The following ZFAND3 variants were observed in gnomAD, a reference collection of about 807,000 sequenced individuals.
The protein encoded by ZFAND3 is zinc finger AN1-type containing 3, also known as AN1-type zinc finger protein 3.
Under a neutral mutation model 29.6 loss-of-function variants are expected in ZFAND3, and 10 were observed. The ratio of observed to expected loss-of-function variants is 0.34; its 90% CI spans 0.21 to 0.57. The LOEUF is 0.57. Among genes scored for constraint, ZFAND3 ranks in the 20% least tolerant of loss-of-function variants. The pLI is 0.86. For missense variants in ZFAND3, 230 were observed against 304.5 expected, an observed-to-expected ratio of 0.76 and a Z score of 1.82; for synonymous variants, 128 against 112.6, an observed-to-expected ratio of 1.14 and a Z score of -0.87.
At chr6:37,826,949 G>A (rs980460634) in intron 1 of ZFAND3, among the ~76,000 whole-genome samples, 2 of 152,170 alleles carry the variant, frequency 1.3e-5, no homozygotes, top group African/African-American at 4.8e-5. Context: ...GAGGAACACA[G>A]ATATACAACA....
At chr6:38,049,387 GTAT>G (rs1316623161) in intron 2 of ZFAND3, among the ~76,000 whole-genome samples, 5 of 152,220 alleles carry the variant, frequency 3.3e-5, no homozygotes, top group Admixed American at 6.5e-5. Flanking sequence ...TAGGTAGATA[GTAT>G]TATTATTCTC....
intron 2 of ZFAND3, among the ~76,000 whole-genome samples, chr6:38,060,321 T>C (rs1419864114): frequency 6.6e-6 from 1 of 152,160 alleles, no homozygotes; most frequent in Non-Finnish European, 1.5e-5. Context: ...AAAGTGTACA[T>C]ATTCTGACAG....
At chr6:38,002,736 G>GT (rs1762972511) in intron 2 of ZFAND3, 1 of 152,080 alleles carries the variant, frequency 6.6e-6, no homozygotes, top group South Asian at 2.1e-4. Context: ...TGCTACTCTA[G>GT]ATCATCCTAA....
chr6:37,949,678 G>A (rs563639077), intron 2 of ZFAND3, among the ~76,000 whole-genome samples: 2 of 152,268 alleles, frequency 1.3e-5, no homozygotes, highest in Admixed American at 1.3e-4. Context: ...AGAGAAACAC[G>A]TTTACTAAGA....
At chr6:37,972,900 TAACTG>T (rs549705912) in intron 2 of ZFAND3, among the ~76,000 whole-genome samples, 175 of 152,302 alleles carry the variant, frequency 1.1e-3, no homozygotes, top group Non-Finnish European at 2.0e-3. Context: ...AGATTCCACT[TAACTG>T]AAAGTAGACC....
At chr6:37,972,496 G>A (rs1300412352) in intron 2 of ZFAND3, among the ~76,000 whole-genome samples, 1 of 152,168 alleles carries the variant, frequency 6.6e-6, no homozygotes, top group Non-Finnish European at 1.5e-5. Flanking sequence ...GTAGGTATAT[G>A]GAATTGTGAG....
intron 2 of ZFAND3, among the ~76,000 whole-genome samples, chr6:37,985,114 A>C (rs1762643989): frequency 6.6e-6 from 1 of 152,164 alleles, no homozygotes; most frequent in Admixed American, 6.5e-5. Context: ...ATTGAGCATC[A>C]GGTATGTAAG....
chr6:37,866,238 A>G (rs757269249), intron 1 of ZFAND3, among the ~76,000 whole-genome samples: 1 of 152,154 alleles, frequency 6.6e-6, no homozygotes, highest in South Asian at 2.1e-4. Context: ...TAAAAAAAGT[A>G]TGTTAGAATG....
chr6:38,062,724 C>T (rs1484108282), intron 3 of ZFAND3: 1 of 152,222 alleles, frequency 6.6e-6, no homozygotes, highest in East Asian at 1.9e-4. Flanking sequence ...TTCCCTCCAT[C>T]CCCCATCCCT....
chr6:38,096,175 T>TC (rs1205366060), intron 4 of ZFAND3, among the ~76,000 whole-genome samples: 31 of 151,828 alleles, frequency 2.0e-4, no homozygotes, highest in African/African-American at 5.8e-4. Context: ...GTTGTTGTTG[T>TC]CCCCCCCAAC....
intron 4 of ZFAND3, among the ~76,000 whole-genome samples, chr6:38,098,705 T>C (rs1391802085): frequency 1.3e-5 from 2 of 151,970 alleles, no homozygotes; most frequent in African/African-American, 4.8e-5. Context: ...CGTTTCACTG[T>C]GTTAGCCAGG....
At chr6:37,827,863 C>T (rs181336710) in intron 1 of ZFAND3, among the ~76,000 whole-genome samples, 123 of 152,318 alleles carry the variant, frequency 8.1e-4, no homozygotes, top group African/African-American at 2.8e-3. Context: ...CACTTGCTAC[C>T]GCTCTGGCCT....
chr6:38,094,468 A>C (rs1033185251), intron 4 of ZFAND3, among the ~76,000 whole-genome samples: 1 of 152,144 alleles, frequency 6.6e-6, no homozygotes, highest in Admixed American at 6.5e-5. Context: ...ATATGATCCT[A>C]CTCCACAAAG....
chr6:37,966,341 T>C (rs985574272), intron 2 of ZFAND3, among the ~76,000 whole-genome samples: 1 of 152,190 alleles, frequency 6.6e-6, no homozygotes, highest in African/African-American at 2.4e-5. Context: ...CAGATTTTAT[T>C]TTCAGAGAAA....
At chr6:37,823,146 G>A (rs920374420) in intron 1 of ZFAND3, among the ~76,000 whole-genome samples, 14 of 152,272 alleles carry the variant, frequency 9.2e-5, no homozygotes, top group Admixed American at 1.3e-4. Context: ...TGTGATATAC[G>A]TGTTTCCGTG....
At chr6:38,143,092 G>A (rs1017189612) in intron 5 of ZFAND3, 3 of 152,288 alleles carry the variant, frequency 2.0e-5, no homozygotes, top group African/African-American at 7.2e-5. Context: ...AAGAGTAAGC[G>A]ATGGAAGGTT....
At position 37,990,891 on chromosome 6, in the gene ZFAND3, T is replaced by C. The variant is rs941820447; in HGVS notation, c.112+60892T>C. Among the ~76,000 whole-genome samples the C allele has an allele frequency of 3.3e-5, 5 of 152,332 alleles. No homozygotes were observed. In the Middle Eastern group the frequency reaches 0.01, roughly 311 times the overall value. On this transcript the variant is annotated intron_variant, in intron 2 of 5. Coordinates refer to ENST00000287218, the MANE Select transcript of ZFAND3 (RefSeq NM_021943.3). ...TACAGATTCTTAGTCTAATTAGTTA[T>C]AGACGTGGAAGTAAGCTTGTTTTAG...
chr6:38,039,839 T>A (rs183463330), intron 2 of ZFAND3, among the ~76,000 whole-genome samples: 1 of 152,304 alleles, frequency 6.6e-6, no homozygotes, highest in East Asian at 1.9e-4. Context: ...AATATTAAAA[T>A]GAATTCTAAA....
At chr6:37,992,260 A>AT (rs1017160585) in intron 2 of ZFAND3, among the ~76,000 whole-genome samples, 2 of 152,190 alleles carry the variant, frequency 1.3e-5, no homozygotes, top group African/African-American at 4.8e-5. Flanking sequence ...ATGTATCAGC[A>AT]TTTAATTTAT....
Sources: allele counts gnomAD v4.1 joint callset (sites outside exome capture counted in the v4.1 genomes callset), GRCh38; gene constraint gnomAD v4.1.1; transcripts MANE v1.5; gene names NCBI Gene and HGNC (gene_info 2026-07-23, HGNC 2026-07-21).